COL25A1: variants seen among roughly 807,000 people sequenced by gnomAD.
The protein encoded by COL25A1 is collagen type XXV alpha 1 chain, also known as collagen alpha-1(XXV) chain.
In COL25A1, 103 loss-of-function variants were observed where a neutral mutation model predicts 128.4. The ratio of observed to expected loss-of-function variants is 0.80; its 90% CI spans 0.68 to 0.94. COL25A1 has a LOEUF of 0.94. Among genes scored for constraint, COL25A1 ranks in the 40% least tolerant of loss-of-function variants. The probability of loss-of-function intolerance (pLI) is 0.00; values close to 1 mark genes in which losing one functional copy is unlikely to be tolerated. For synonymous variants in COL25A1, 279 were observed against 277.2 expected (o/e 1.01, Z -0.06); for missense variants, 745 against 840.0 (o/e 0.89, Z 1.40).
chr4:109,104,794 T>C (rs1766261406), intron 3 of COL25A1, among the ~76,000 whole-genome samples: 1 of 152,178 alleles, frequency 6.6e-6, no homozygotes, highest in East Asian at 1.9e-4. Context: ...TAAGACGATG[T>C]TTGAATTCTG....
intron 3 of COL25A1, among the ~76,000 whole-genome samples, chr4:109,210,689 T>C (rs1777423866): frequency 6.6e-6 from 1 of 152,246 alleles, no homozygotes; most frequent in Admixed American, 6.5e-5. Flanking sequence ...AGTCTCAATC[T>C]GACCCCTAGA....
chr4:108,929,060 C>G (rs954957141), intron 11 of COL25A1, among the ~76,000 whole-genome samples: 1 of 152,114 alleles, frequency 6.6e-6, no homozygotes, highest in Non-Finnish European at 1.5e-5. Context: ...TCTTCTAAAC[C>G]TTTTATATCC....
At chr4:109,144,090 T>G (rs1770701428) in intron 3 of COL25A1, among the ~76,000 whole-genome samples, 1 of 152,204 alleles carries the variant, frequency 6.6e-6, no homozygotes, top group East Asian at 1.9e-4. Context: ...GGGGATGTCC[T>G]TTTTGTTGAT....
At chr4:108,952,317 C>CA (rs144761680) in intron 8 of COL25A1, among the ~76,000 whole-genome samples, 116 of 149,094 alleles carry the variant, frequency 7.8e-4, no homozygotes, top group Non-Finnish European at 1.2e-3. Flanking sequence ...CAAATAAACA[C>CA]AAAAAAAAAC....
intron 3 of COL25A1, among the ~76,000 whole-genome samples, chr4:109,070,366 T>A (rs1460671909): frequency 6.6e-6 from 1 of 151,948 alleles, no homozygotes; most frequent in Admixed American, 6.6e-5. Flanking sequence ...TTTAATCTTT[T>A]TTTTTTTTAC....
At chr4:108,852,791 T>A in intron 25 of COL25A1, 111 bp downstream of exon 25, 2 of 800,860 alleles carry the variant, frequency 2.5e-6, no homozygotes. Context: ...CAAGAAAACA[T>A]AAAATTAAGT....
chr4:109,248,017 T>G (rs1377900218), intron 3 of COL25A1, among the ~76,000 whole-genome samples: 2 of 151,890 alleles, frequency 1.3e-5, no homozygotes, highest in Non-Finnish European at 2.9e-5. Context: ...GCTAAAAGAG[T>G]TGAAAAGACC....
intron 3 of COL25A1, among the ~76,000 whole-genome samples, chr4:109,123,376 T>A (rs1240825349): frequency 1.3e-5 from 2 of 152,044 alleles, no homozygotes; most frequent in Non-Finnish European, 2.9e-5. Flanking sequence ...CAAAATCATA[T>A]CATTCTATTA....
At chr4:108,816,730 T>C (rs1276010237) in intron 37 of COL25A1, among the ~76,000 whole-genome samples, 1 of 152,170 alleles carries the variant, frequency 6.6e-6, no homozygotes, top group African/African-American at 2.4e-5. Flanking sequence ...CTGAGGGTAA[T>C]AAGACTTTAT....
intron 20 of COL25A1, among the ~76,000 whole-genome samples, chr4:108,864,587 C>G (rs535556322): frequency 6.6e-6 from 1 of 152,076 alleles, no homozygotes; most frequent in African/African-American, 2.4e-5. Context: ...GTTAGGCAGA[C>G]AAGAGCTGCA....
intron 6 of COL25A1, among the ~76,000 whole-genome samples, chr4:108,981,991 C>T (rs1168253604): frequency 2.0e-5 from 3 of 152,026 alleles, no homozygotes; most frequent in African/African-American, 4.8e-5. Context: ...GTCAGGAGTT[C>T]GAGACCAGCC....
At chr4:109,046,573 A>G (rs1342885905) in intron 5 of COL25A1, among the ~76,000 whole-genome samples, 10 of 152,196 alleles carry the variant, frequency 6.6e-5, no homozygotes, top group Admixed American at 2.0e-4. Flanking sequence ...CTTAAGTATG[A>G]AGCCAAAAAG....
chr4:109,002,901 G>C (rs1446755555), intron 6 of COL25A1, among the ~76,000 whole-genome samples: 1 of 152,014 alleles, frequency 6.6e-6, no homozygotes, highest in Non-Finnish European at 1.5e-5. Flanking sequence ...GCATGCATTA[G>C]GTATTTGTCC....
chr4:108,993,311 C>T (rs1323707662), intron 6 of COL25A1, among the ~76,000 whole-genome samples: 3 of 152,166 alleles, frequency 2.0e-5, no homozygotes, highest in African/African-American at 4.8e-5. Context: ...GCTTATTTCA[C>T]TTAGCATAAT....
intron 8 of COL25A1, among the ~76,000 whole-genome samples, chr4:108,945,353 A>AAGTACAGGTGTTGACACCTATCTTC (rs1560910213): frequency 6.6e-6 from 1 of 152,138 alleles, no homozygotes. Context: ...TTGGTTTGTA[A>AAGTACAGGTGTTGACACCTATCTTC]AGTACAGGTG....
intron 6 of COL25A1, among the ~76,000 whole-genome samples, chr4:108,991,918 C>T (rs1754272367): frequency 6.6e-6 from 1 of 152,110 alleles, no homozygotes; most frequent in African/African-American, 2.4e-5. Flanking sequence ...TTTTAAGGCA[C>T]ACACAGCTTG....
intron 8 of COL25A1, among the ~76,000 whole-genome samples, chr4:108,960,519 T>TA (rs1320699807): frequency 6.6e-6 from 1 of 152,010 alleles, no homozygotes; most frequent in African/African-American, 2.4e-5. Flanking sequence ...TTCAGTAGGA[T>TA]AAAAAATGAA....
At chr4:109,277,289 A>C (rs1722938650) in intron 3 of COL25A1, among the ~76,000 whole-genome samples, 1 of 152,196 alleles carries the variant, frequency 6.6e-6, no homozygotes, top group African/African-American at 2.4e-5. Context: ...TATTTAACCA[A>C]ACAGAGAGAA....
At chr4:109,244,653 T>G (rs79901028) in intron 3 of COL25A1, among the ~76,000 whole-genome samples, 5,466 of 152,226 alleles carry the variant, frequency 0.036, 328 homozygotes, top group African/African-American at 0.13. Flanking sequence ...AGAATTGTTA[T>G]CATTCTTCAC....
Sources: allele counts gnomAD v4.1 joint callset (sites outside exome capture counted in the v4.1 genomes callset), GRCh38; gene constraint gnomAD v4.1.1; transcripts MANE v1.5; gene names NCBI Gene and HGNC (gene_info 2026-07-23, HGNC 2026-07-21).